LRRC30: variants seen among roughly 807,000 people sequenced by gnomAD.
The protein encoded by LRRC30 is leucine rich repeat containing 30.
In LRRC30, 10 loss-of-function variants were observed where a neutral mutation model predicts 14.8. The ratio of observed to expected loss-of-function variants is 0.68; its 90% CI spans 0.42 to 1.15. The LOEUF (loss-of-function observed/expected upper bound fraction) is 1.15, where lower values mean the gene tolerates loss of function less well. Ranked by LOEUF, LRRC30 falls within the 50% of genes most tolerant of loss-of-function variation. The pLI is 0.00. For synonymous variants in LRRC30, 202 were observed against 175.7 expected (o/e 1.15, Z -1.18); for missense variants, 403 against 373.9 (o/e 1.08, Z -0.64).
At position 7,231,642 on chromosome 18, in the gene LRRC30, A is replaced by C; in HGVS notation, c.504A>C (p.Leu168=). 6.2e-7 allele frequency: 1 copy of C among 1,614,146 alleles called. No individual in the cohort carries two copies. The highest frequency in any genetic ancestry group is 8.5e-7 in the Non-Finnish European group (1 of 1,180,018). ...CCGACCTCTCTAGACTGAGGAAGCTAAACCTCAGCAACAACTTCTTCGCGC... is the reference window on the plus strand; with the variant it reads ...CCGACCTCTCTAGACTGAGGAAGCTCAACCTCAGCAACAACTTCTTCGCGC... ...CFADLSRLRK[L]NLSNNFFAHI... Residue 168 remains leucine (L), a synonymous_variant, in exon 1 of 1, where the codon CTA becomes CTC. Transcript: ENST00000383467.
rs370451342 is a variant in LRRC30, at chr18:7,231,274, C to T, written c.136C>T (p.Arg46Trp). Residue 46 changes from arginine to tryptophan, a missense_variant, in exon 1 of 1, where the codon CGG becomes TGG. Transcript: ENST00000383467. ...AAGGGACCCGCGGTCCCTGCTGAAG[C>T]GGGGCATGCACCACGTCAGCTTCAG... is the stretch of plus-strand genomic sequence containing the variant. ...SGRDPRSLLK[R>W]GMHHVSFSLV... 9.9e-6 allele frequency: 16 copies of T among 1,614,206 alleles called. No individual in the cohort carries two copies. In the African/African-American group the frequency reaches 1.2e-4, roughly 12 times the overall value.
Position 7,231,280 on chromosome 18 carries a change from A to C in LRRC30, c.142A>C (p.Met48Leu). Reference sequence around the variant, plus strand: ...CCCGCGGTCCCTGCTGAAGCGGGGCATGCACCACGTCAGCTTCAGCCTGGT... The same window carrying C: ...CCCGCGGTCCCTGCTGAAGCGGGGCCTGCACCACGTCAGCTTCAGCCTGGT... ...RDPRSLLKRG[M>L]HHVSFSLVTR... is the part of the protein sequence containing the mutation. Residue 48 changes from methionine (M) to leucine (L), a missense_variant, in exon 1 of 1, where the codon ATG (methionine) becomes CTG (leucine). Physicochemically the swap from Met to Leu is conservative, Grantham distance 15. Transcript: ENST00000383467. The C allele has an allele frequency of 1.2e-6, 2 of 1,614,236 alleles. No homozygotes were observed. Among genetic ancestry groups the C allele is most frequent in the South Asian group, 1.1e-5 (1 of 91,078 alleles).
Position 7,231,883 on chromosome 18 carries a change from A to G in LRRC30, c.745A>G (p.Ser249Gly), listed in dbSNP as rs144753731. The change falls in exon 1 of 1, where the codon AGC (serine) becomes GGC (glycine). Residue 249 changes from serine (S) to glycine (G), a missense_variant. Physicochemically the swap from Ser to Gly is moderately conservative, Grantham distance 56. Coordinates refer to ENST00000383467, the MANE Select transcript of LRRC30 (RefSeq NM_001105581.3). Reference sequence around the variant, plus strand: ...CAACAATGACATCCAGACCCTCCCGAGCGAACTCCACCTGCTGTGTAGACT... The same window carrying G: ...CAACAATGACATCCAGACCCTCCCGGGCGAACTCCACCTGCTGTGTAGACT... ...LNNNDIQTLP[S>G]ELHLLCRLVR... The G allele has an allele frequency of 5.5e-3, 8,839 of 1,614,004 alleles. 43 individuals carry two copies. The highest frequency in any genetic ancestry group is 0.016 in the Middle Eastern group (100 of 6,062).
At position 7,231,810 on chromosome 18, in the gene LRRC30, C is replaced by G; in HGVS notation, c.672C>G (p.Phe224Leu). The G allele has an allele frequency of 6.2e-7, 1 of 1,614,090 alleles. No individual in the cohort carries two copies. Among genetic ancestry groups the G allele is most frequent in the Admixed American group, 1.7e-5 (1 of 60,016 alleles). ...FIAEGNNIHS[F>L]PRSLCLVTSL... is the part of the protein sequence containing the mutation. ...CAGAGGGCAACAACATCCACTCCTTCCCGAGGTCGCTTTGCCTGGTCACCA... is the reference window on the plus strand; with the variant it reads ...CAGAGGGCAACAACATCCACTCCTTGCCGAGGTCGCTTTGCCTGGTCACCA... The change falls in exon 1 of 1, where the codon TTC becomes TTG. Residue 224 changes from phenylalanine to leucine, a missense_variant. Physicochemically the swap from Phe to Leu is conservative, Grantham distance 22 (BLOSUM62 0). Coordinates refer to ENST00000383467, the MANE Select transcript of LRRC30 (RefSeq NM_001105581.3).
rs780718964 is a variant in LRRC30 at position 7,231,756 on chromosome 18, G to A, written c.618G>A (p.Gln206=). The stretch of plus-strand genomic sequence containing the variant: ...TGGAAAACATCGCTGAGAGCATCCA[G>A]CACCTGGCCAGCCTGCAGATCTTCA... ...NRLENIAESI[Q]HLASLQIFIA... The change falls in exon 1 of 1, where the codon CAG becomes CAA. Residue 206 remains glutamine (Q), a synonymous_variant. Coordinates refer to ENST00000383467, the MANE Select transcript of LRRC30 (RefSeq NM_001105581.3). 1 of 1,614,150 alleles carries A rather than the reference G, an allele frequency of 6.2e-7. No individual in the cohort carries two copies. The highest frequency in any genetic ancestry group is 1.7e-5 in the Admixed American group (1 of 60,008).
chr18:7,231,501 C>T lies in LRRC30; in HGVS notation c.363C>T (p.Val121=). 1.2e-6 allele frequency: 2 copies of T among 1,613,692 alleles called. No individual in the cohort carries two copies. The highest frequency in any genetic ancestry group is 1.7e-6 in the Non-Finnish European group (2 of 1,180,026). Residue 121 remains valine, a synonymous_variant, in exon 1 of 1, where the codon GTC becomes GTT. Coordinates refer to ENST00000383467, the MANE Select transcript of LRRC30 (RefSeq NM_001105581.3). The stretch of plus-strand genomic sequence containing the variant: ...TGAGCCTCCTACAGTGCCTCAAGGT[C>T]CTGTTTGTCAACATGAACTGCCTGA... ...REVSLLQCLK[V]LFVNMNCLTE... is the part of the protein sequence containing the mutation.
Position 7,231,239 on chromosome 18 carries a change from T to C in LRRC30, c.101T>C (p.Leu34Pro), listed in dbSNP as rs757194537. The change falls in exon 1 of 1, where the codon CTG (leucine) becomes CCG (proline). Residue 34 changes from leucine (L) to proline (P), a missense_variant. Transcript: ENST00000383467. ...AAGTTTTCTCCGTGGGACGATGCCCTGCTCTCGGGAAGGGACCCGCGGTCC... is the reference window on the plus strand; with the variant it reads ...AAGTTTTCTCCGTGGGACGATGCCCCGCTCTCGGGAAGGGACCCGCGGTCC... ...RQKFSPWDDA[L>P]LSGRDPRSLL... The C allele has an allele frequency of 6.2e-6, 10 of 1,613,868 alleles. No homozygotes were observed. In the East Asian group the frequency reaches 1.8e-4, roughly 29 times the overall value.
chr18:7,231,981 G>A lies in LRRC30; in HGVS notation c.843G>A (p.Pro281=), dbSNP rs746083086. The part of the protein sequence containing the change: ...ISHNPLSKPL[P]ELVEGGLEML... Reference sequence around the variant, plus strand: ...ACAACCCTTTATCCAAGCCTCTGCCGGAGCTGGTGGAGGGGGGCCTGGAGA... The same window carrying A: ...ACAACCCTTTATCCAAGCCTCTGCCAGAGCTGGTGGAGGGGGGCCTGGAGA... Residue 281 remains proline, a synonymous_variant, in exon 1 of 1, where the codon CCG becomes CCA. Transcript: ENST00000383467. 6 of 1,613,892 alleles carry A rather than the reference G, an allele frequency of 3.7e-6. No homozygotes were observed. The highest frequency in any genetic ancestry group is 2.2e-5 in the East Asian group (1 of 44,862).
chr18:7,231,776 T>A lies in LRRC30; in HGVS notation c.638T>A (p.Ile213Asn), dbSNP rs779683603. The A allele has an allele frequency of 1.2e-6, 2 of 1,614,104 alleles. No homozygotes were observed. Among genetic ancestry groups the A allele is most frequent in the African/African-American group, 1.3e-5 (1 of 75,016 alleles). ...ATCCAGCACCTGGCCAGCCTGCAGA[T>A]CTTCATCGCAGAGGGCAACAACATC... ...ESIQHLASLQIFIAEGNNIHS... is the reference protein window; with the variant it reads ...ESIQHLASLQNFIAEGNNIHS... The change falls in exon 1 of 1, where the codon ATC becomes AAC. Residue 213 changes from isoleucine (I) to asparagine (N), a missense_variant. Physicochemically the swap from Ile to Asn is moderately radical, Grantham distance 149. Coordinates refer to ENST00000383467, the MANE Select transcript of LRRC30 (RefSeq NM_001105581.3).
In LRRC30 at chr18:7,231,992, AG is replaced by A. The variant is rs746064808; in HGVS notation, c.860del (p.Gly287AlafsTer9). The A allele has an allele frequency of 1.4e-5, 23 of 1,613,768 alleles. No homozygotes were observed. In the East Asian group the frequency reaches 2.0e-4, roughly 14 times the overall value. ...TCCAAGCCTCTGCCGGAGCTGGTGG[AG>A]GGGGGCCTGGAGATGCTCTTCGGCT... The part of the protein sequence containing the change: ...PLSKPLPELV[E>X]GGLEMLFGYL... On this transcript the variant is annotated frameshift_variant, in exon 1 of 1. Coordinates refer to ENST00000383467, the MANE Select transcript of LRRC30 (RefSeq NM_001105581.3). LOFTEE classifies it high-confidence loss of function.
chr18:7,231,993 G>C lies in LRRC30; in HGVS notation c.855G>C (p.Glu285Asp). Residue 285 changes from glutamate to aspartate, a missense_variant, in exon 1 of 1, where the codon GAG (glutamate) becomes GAC (aspartate). Coordinates refer to ENST00000383467, the MANE Select transcript of LRRC30 (RefSeq NM_001105581.3). Reference sequence around the variant, plus strand: ...CCAAGCCTCTGCCGGAGCTGGTGGAGGGGGGCCTGGAGATGCTCTTCGGCT... The same window carrying C: ...CCAAGCCTCTGCCGGAGCTGGTGGACGGGGGCCTGGAGATGCTCTTCGGCT... ...PLSKPLPELV[E>D]GGLEMLFGYL... The C allele has an allele frequency of 1.2e-6, 2 of 1,613,676 alleles. No homozygotes were observed. Among genetic ancestry groups the C allele is most frequent in the South Asian group, 2.2e-5 (2 of 91,016 alleles).
rs762277638 is a variant in LRRC30, at chr18:7,231,257, C to T, written c.119C>T (p.Pro40Leu). The stretch of plus-strand genomic sequence containing the variant: ...GATGCCCTGCTCTCGGGAAGGGACC[C>T]GCGGTCCCTGCTGAAGCGGGGCATG... Reference protein sequence around the residue: ...WDDALLSGRDPRSLLKRGMHH... With the variant: ...WDDALLSGRDLRSLLKRGMHH... The change falls in exon 1 of 1, where the codon CCG (proline) becomes CTG (leucine). Residue 40 changes from proline to leucine, a missense_variant. Pro to Leu is a moderately conservative substitution (Grantham distance 98). Coordinates refer to ENST00000383467, the MANE Select transcript of LRRC30 (RefSeq NM_001105581.3). The T allele has an allele frequency of 5.0e-6, 8 of 1,614,056 alleles. No homozygotes were observed. Among genetic ancestry groups the T allele is most frequent in the East Asian group, 2.2e-5 (1 of 44,890 alleles).
At position 7,231,647 on chromosome 18, in the gene LRRC30, T is replaced by C. The variant is rs763970136; in HGVS notation, c.509T>C (p.Leu170Pro). ...ADLSRLRKLNLSNNFFAHIPM... is the reference protein window; with the variant it reads ...ADLSRLRKLNPSNNFFAHIPM... Reference sequence around the variant, plus strand: ...CTCTCTAGACTGAGGAAGCTAAACCTCAGCAACAACTTCTTCGCGCACATC... The same window carrying C: ...CTCTCTAGACTGAGGAAGCTAAACCCCAGCAACAACTTCTTCGCGCACATC... The change falls in exon 1 of 1, where the codon CTC becomes CCC. Residue 170 changes from leucine to proline, a missense_variant. Transcript: ENST00000383467. The C allele has an allele frequency of 6.2e-7, 1 of 1,614,110 alleles. No homozygotes were observed. The highest frequency in any genetic ancestry group is 1.7e-5 in the Admixed American group (1 of 60,024).
At position 7,231,917 on chromosome 18, in the gene LRRC30, T is replaced by A; in HGVS notation, c.779T>A (p.Ile260Asn). Residue 260 changes from isoleucine (I) to asparagine (N), a missense_variant, in exon 1 of 1, where the codon ATC becomes AAC. Ile to Asn is a moderately radical substitution (Grantham distance 149, BLOSUM62 -3). Coordinates refer to ENST00000383467, the MANE Select transcript of LRRC30 (RefSeq NM_001105581.3). ...ELHLLCRLVR[I>N]AWNPMDKGLH... is the part of the protein sequence containing the mutation. ...CACCTGCTGTGTAGACTGGTGAGGA[T>A]CGCCTGGAATCCCATGGACAAAGGG... The A allele has an allele frequency of 6.2e-7, 1 of 1,612,596 alleles. No homozygotes were observed. Among genetic ancestry groups the A allele is most frequent in the African/African-American group, 1.3e-5 (1 of 74,462 alleles).
chr18:7,231,166 TCCAAGGATAAGGGCC>T lies in LRRC30; in HGVS notation c.34_48del (p.Asp12_Lys16del). 1 of 1,601,060 alleles carries T rather than the reference TCCAAGGATAAGGGCC, an allele frequency of 6.2e-7. No individual in the cohort carries two copies. The highest frequency in any genetic ancestry group is 2.2e-5 in the East Asian group (1 of 44,598). ...GGGGGCCAGGCAGTCAAGGGCCAGC[TCCAAGGATAAGGGCC>T]CCAAGAGGATGCTGTTCACGGGGAG... is the stretch of plus-strand genomic sequence containing the variant. On this transcript the variant is annotated inframe_deletion, in exon 1 of 1. Coordinates refer to ENST00000383467, the MANE Select transcript of LRRC30 (RefSeq NM_001105581.3).
chr18:7,231,636 G>T lies in LRRC30; in HGVS notation c.498G>T (p.Arg166Ser), dbSNP rs1360666595. Residue 166 changes from arginine (R) to serine (S), a missense_variant, in exon 1 of 1, where the codon AGG becomes AGT. Physicochemically the swap from Arg to Ser is moderately radical, Grantham distance 110. Transcript: ENST00000383467. ...GCTTCGCCGACCTCTCTAGACTGAG[G>T]AAGCTAAACCTCAGCAACAACTTCT... The part of the protein sequence containing the change: ...PACFADLSRL[R>S]KLNLSNNFFA... 1.2e-6 allele frequency: 2 copies of T among 1,614,146 alleles called. No individual in the cohort carries two copies. The highest frequency in any genetic ancestry group is 1.7e-5 in the Admixed American group (1 of 60,018).
rs377758077 is a variant in LRRC30, at chr18:7,231,692, T to C, written c.554T>C (p.Leu185Pro). Residue 185 changes from leucine to proline, a missense_variant, in exon 1 of 1, where the codon CTG becomes CCG. Leu to Pro is a moderately conservative substitution (Grantham distance 98). Coordinates refer to ENST00000383467, the MANE Select transcript of LRRC30 (RefSeq NM_001105581.3). ...CACATCCCCATGTGTGTGTTCTCCC[T>C]GAAGGAACTGATTTTCTTGCACGTG... ...FAHIPMCVFS[L>P]KELIFLHVGS... is the part of the protein sequence containing the mutation. The C allele has an allele frequency of 2.5e-5, 41 of 1,614,158 alleles. No individual in the cohort carries two copies. The African/African-American group carries it at 4.4e-4, about 17-fold the overall frequency.
At position 7,231,130 on chromosome 18, in the gene LRRC30, G is replaced by C; in HGVS notation, c.-9G>C. 6.4e-7 allele frequency: 1 copy of C among 1,567,362 alleles called. No individual in the cohort carries two copies. Among genetic ancestry groups the C allele is most frequent in the Non-Finnish European group, 8.7e-7 (1 of 1,154,052 alleles). ...GTGGCAGAGGAGAGTGACTAGAAGG[G>C]AAGGTACAATGGGGGCCAGGCAGTC... On this transcript the variant is annotated 5_prime_UTR_variant, in exon 1 of 1. Transcript: ENST00000383467.
In LRRC30 at chr18:7,231,969, C is replaced by G. The variant is rs535812921; in HGVS notation, c.831C>G (p.Ser277=). 3.9e-5 allele frequency: 63 copies of G among 1,613,968 alleles called. No individual in the cohort carries two copies. The African/African-American group carries it at 7.7e-4, about 20-fold the overall frequency. The change falls in exon 1 of 1, where the codon TCC becomes TCG. Residue 277 remains serine, a synonymous_variant. Transcript: ENST00000383467. ...TCCACATTTCCCACAACCCTTTATC[C>G]AAGCCTCTGCCGGAGCTGGTGGAGG... ...KGLHISHNPL[S]KPLPELVEGG...
Sources: allele counts gnomAD v4.1 joint callset, GRCh38; gene constraint gnomAD v4.1.1; transcripts MANE v1.5; gene names NCBI Gene and HGNC (gene_info 2026-07-23, HGNC 2026-07-21).